FRMD5: variants seen among roughly 807,000 people sequenced by gnomAD.
FRMD5 encodes FERM domain containing 5.
In FRMD5, 20 loss-of-function variants were observed where a neutral mutation model predicts 69.0. The ratio of observed to expected loss-of-function variants is 0.29; its 90% confidence interval spans 0.20 to 0.42. FRMD5 has a LOEUF of 0.42. Among genes scored for constraint, FRMD5 ranks in the 10% least tolerant of loss-of-function variants. FRMD5 has a pLI of 1.00. For synonymous variants in FRMD5, 271 were observed against 260.1 expected (o/e 1.04, Z -0.40); for missense variants, 595 against 708.6 (o/e 0.84, Z 1.82).
chr15:43,998,122 T>C (rs183536491), intron 1 of FRMD5, among the ~76,000 whole-genome samples: 484 of 152,302 alleles, frequency 3.2e-3, no homozygotes, highest in Middle Eastern at 0.01. Context: ...ATCAGGGATA[T>C]AACGATCATA....
chr15:44,169,045 A>G (rs1415069510), intron 1 of FRMD5, among the ~76,000 whole-genome samples: 1 of 152,228 alleles, frequency 6.6e-6, no homozygotes, highest in Non-Finnish European at 1.5e-5. Flanking sequence ...CATTGGTCAC[A>G]GGCCCTGATG....
chr15:43,989,449 G>C (rs1889561860), intron 1 of FRMD5: 2 of 796,942 alleles, frequency 2.5e-6, no homozygotes, highest in Non-Finnish European at 4.6e-6. Context: ...ATGATGACCT[G>C]GCCGTCGGGC....
At chr15:44,113,686 A>T (rs2076830185) in intron 1 of FRMD5, among the ~76,000 whole-genome samples, 1 of 152,114 alleles carries the variant, frequency 6.6e-6, no homozygotes, top group African/African-American at 2.4e-5. Context: ...CCCATTAACC[A>T]TTCCCGCTTC....
chr15:44,069,482 A>G (rs1047087931), intron 1 of FRMD5, among the ~76,000 whole-genome samples: 1 of 151,664 alleles, frequency 6.6e-6, no homozygotes, highest in Non-Finnish European at 1.5e-5. Context: ...AATACTACTC[A>G]GCAATAAAAA....
intron 1 of FRMD5, among the ~76,000 whole-genome samples, chr15:44,170,440 T>C (rs1201993963): frequency 2.0e-5 from 3 of 151,994 alleles, no homozygotes; most frequent in African/African-American, 7.3e-5. Flanking sequence ...AGAGAATCAC[T>C]TGAACCCAGG....
intron 7 of FRMD5, among the ~76,000 whole-genome samples, 155 bp from the exon 8 acceptor site, chr15:43,892,224 CT>C (rs2088809754): frequency 1.3e-5 from 2 of 152,232 alleles, no homozygotes; most frequent in South Asian, 4.1e-4. Context: ...TAGTTTGAGT[CT>C]CAGCCTTGCC....
intron 1 of FRMD5, among the ~76,000 whole-genome samples, chr15:43,940,175 T>A (rs141116488): frequency 6.6e-6 from 1 of 152,222 alleles, no homozygotes; most frequent in East Asian, 1.9e-4. Context: ...CAAAACTCTG[T>A]CTCAAAACAA....
intron 1 of FRMD5, among the ~76,000 whole-genome samples, chr15:44,091,347 T>A (rs2076469807): frequency 6.6e-6 from 1 of 152,086 alleles, no homozygotes; most frequent in Non-Finnish European, 1.5e-5. Context: ...TATAGATATA[T>A]ATGCACACAC....
intron 1 of FRMD5, among the ~76,000 whole-genome samples, chr15:44,018,745 C>T (rs1282240890): frequency 6.6e-6 from 1 of 152,068 alleles, no homozygotes; most frequent in African/African-American, 2.4e-5. Context: ...AGACTTTTGC[C>T]CTGTAAATCC....
chr15:44,046,222 G>A (rs893452579), intron 1 of FRMD5, among the ~76,000 whole-genome samples: 1 of 152,028 alleles, frequency 6.6e-6, no homozygotes, highest in Non-Finnish European at 1.5e-5. Context: ...AAAAAGATGT[G>A]AACATTTTAA....
chr15:44,149,897 G>A (rs1476486204), intron 1 of FRMD5, among the ~76,000 whole-genome samples: 3 of 152,014 alleles, frequency 2.0e-5, no homozygotes, highest in Non-Finnish European at 2.9e-5. Flanking sequence ...CAAAATTGAT[G>A]CAAAAATCCT....
intron 1 of FRMD5, among the ~76,000 whole-genome samples, chr15:44,192,842 T>C (rs1295765007): frequency 1.3e-5 from 2 of 152,204 alleles, no homozygotes; most frequent in Non-Finnish European, 2.9e-5. Context: ...TGCACAATCA[T>C]TAACATGTCT....
chr15:43,990,115 C>A, intron 1 of FRMD5: 1 of 643,006 alleles, frequency 1.6e-6, no homozygotes. Flanking sequence ...TGGGCATCGT[C>A]ACCTGCAAAG....
intron 1 of FRMD5, among the ~76,000 whole-genome samples, chr15:43,938,317 G>A (rs935415812): frequency 5.3e-5 from 8 of 149,948 alleles, no homozygotes; most frequent in African/African-American, 2.0e-4. Flanking sequence ...CACAAGGAAA[G>A]TTTCTATTAA....
At chr15:44,141,920 G>GTT (rs1209752091) in intron 1 of FRMD5, among the ~76,000 whole-genome samples, 2 of 151,994 alleles carry the variant, frequency 1.3e-5, no homozygotes, top group Admixed American at 6.6e-5. Context: ...TTTGTATAGG[G>GTT]TTTTTTTGTC....
intron 8 of FRMD5, among the ~76,000 whole-genome samples, chr15:43,890,417 G>A (rs1032684127): frequency 1.3e-5 from 2 of 152,134 alleles, no homozygotes; most frequent in African/African-American, 4.8e-5. Flanking sequence ...GGGACTGCAG[G>A]TGTCTGTGAC....
intron 1 of FRMD5, among the ~76,000 whole-genome samples, chr15:44,057,061 A>G (rs1892897140): frequency 6.6e-6 from 1 of 152,104 alleles, no homozygotes; most frequent in Non-Finnish European, 1.5e-5. Flanking sequence ...CTGACCTTTG[A>G]TAATGGGAAA....
chr15:43,882,306 C>T (rs1359913389), intron 13 of FRMD5, among the ~76,000 whole-genome samples: 2 of 152,064 alleles, frequency 1.3e-5, no homozygotes, highest in African/African-American at 2.4e-5. Flanking sequence ...GGAGATGGGT[C>T]GTATTGAATT....
intron 4 of FRMD5, among the ~76,000 whole-genome samples, chr15:43,918,381 G>A (rs373746802): frequency 5.9e-5 from 9 of 152,156 alleles, no homozygotes; most frequent in East Asian, 1.9e-4. Flanking sequence ...CTGAGATCGC[G>A]CCACTGCACT....
Sources: allele counts gnomAD v4.1 joint callset (sites outside exome capture counted in the v4.1 genomes callset), GRCh38; gene constraint gnomAD v4.1.1; transcripts MANE v1.5; gene names NCBI Gene and HGNC (gene_info 2026-07-23, HGNC 2026-07-21).